The following FBXO42 variants were observed in gnomAD, a reference collection of about 807,000 sequenced individuals.
FBXO42 encodes the protein F-box only protein 42.
Under a neutral mutation model 71.7 loss-of-function variants are expected in FBXO42, and 12 were observed. That is an observed-to-expected ratio of 0.17 (90% CI 0.11 to 0.27). The LOEUF (loss-of-function observed/expected upper bound fraction) is 0.27, where lower values mean the gene tolerates loss of function less well. FBXO42 is among the 10% of genes least tolerant of loss of function. The pLI, the probability that FBXO42 is intolerant of heterozygous loss-of-function variation, is 1.00. For missense variants in FBXO42, 707 were observed against 911.9 expected, an observed-to-expected ratio of 0.78 and a Z score of 2.89; for synonymous variants, 325 against 327.5, an observed-to-expected ratio of 0.99 and a Z score of 0.08.
chr1:16,326,842 G>A (rs7543903), intron 1 of FBXO42, among the ~76,000 whole-genome samples: 2,961 of 152,180 alleles, frequency 0.019, 81 homozygotes, highest in African/African-American at 0.068. Context: ...ACATGGAGAT[G>A]AGCTACATAA....
intron 1 of FBXO42, among the ~76,000 whole-genome samples, chr1:16,331,540 A>T (rs890545858): frequency 6.6e-6 from 1 of 151,470 alleles, no homozygotes; most frequent in African/African-American, 2.4e-5. Flanking sequence ...GGATCACCTG[A>T]GCTCAGGGGT....
intron 4 of FBXO42, among the ~76,000 whole-genome samples, chr1:16,262,441 T>C (rs1014510417): frequency 7.9e-5 from 12 of 152,104 alleles, no homozygotes; most frequent in African/African-American, 2.9e-4. Flanking sequence ...GTGTGGTGGC[T>C]CAAGCCTGTA....
chr1:16,304,332 T>C (rs1383963144), intron 3 of FBXO42, among the ~76,000 whole-genome samples: 6 of 151,608 alleles, frequency 4.0e-5, no homozygotes, highest in Non-Finnish European at 8.8e-5. Flanking sequence ...TTGGCCAGGC[T>C]GGTCTCAAAC....
rs374651148 is a variant in FBXO42 at position 16,315,282 on chromosome 1, G to A, written c.137C>T (p.Ser46Phe). 3 of 1,613,960 alleles carry A rather than the reference G, an allele frequency of 1.9e-6. No homozygotes were observed. The African/African-American group carries it at 4.0e-5, about 22-fold the overall frequency. Residue 46 changes from serine to phenylalanine, a missense_variant, in exon 2 of 10, where the codon TCC (serine) becomes TTC (phenylalanine). Coordinates refer to ENST00000375592, the MANE Select transcript of FBXO42 (RefSeq NM_018994.3). ...AACCTCTTCTGGCAGCTCCGACATGGACCTATTATGTCTAGTCTCCTCAGC... is the reference window on the plus strand; with the variant it reads ...AACCTCTTCTGGCAGCTCCGACATGAACCTATTATGTCTAGTCTCCTCAGC... ...LEAEETRHNR[S>F]MSELPEEVLE...
At chr1:16,288,668 G>C (rs2082046763) in intron 4 of FBXO42, among the ~76,000 whole-genome samples, 3 of 151,634 alleles carry the variant, frequency 2.0e-5, no homozygotes, top group Non-Finnish European at 2.9e-5. Context: ...AATTCATTAA[G>C]AAGTCTTGGC....
chr1:16,332,571 G>A (rs1465235358), intron 1 of FBXO42, among the ~76,000 whole-genome samples: 1 of 141,748 alleles, frequency 7.1e-6, no homozygotes, highest in Admixed American at 7.2e-5. Context: ...AGACGGAGTT[G>A]TTCTGTCACT....
At chr1:16,257,803 C>A (rs2081661883) in intron 4 of FBXO42, among the ~76,000 whole-genome samples, 1 of 151,286 alleles carries the variant, frequency 6.6e-6, no homozygotes, top group Non-Finnish European at 1.5e-5. Flanking sequence ...GCCTTAGCCT[C>A]CTGAGTAGCT....
At position 16,340,643 on chromosome 1, in the gene FBXO42, T is replaced by C. The variant is rs528890326; in HGVS notation, c.-18+11612A>G. ...CAACCCTCTACTGAGGGTTAGGGTTTTGCCATGCCAAGGTTAAGTTACTTC... is the reference window on the plus strand; with the variant it reads ...CAACCCTCTACTGAGGGTTAGGGTTCTGCCATGCCAAGGTTAAGTTACTTC... On this transcript the variant is annotated intron_variant, in intron 1 of 9. Transcript: ENST00000375592. Among the ~76,000 whole-genome samples, 27 of 152,254 alleles carry C rather than the reference T, an allele frequency of 1.8e-4. 1 individual carries two copies. In the South Asian group the frequency reaches 3.3e-3, roughly 19 times the overall value.
At chr1:16,334,418 CAAAAA>C (rs757658037) in intron 1 of FBXO42, among the ~76,000 whole-genome samples, 1 of 52,788 alleles carries the variant, frequency 1.9e-5, no homozygotes. Context: ...GACTCCGCCT[CAAAAA>C]AAAAAAAAAA....
intron 3 of FBXO42, among the ~76,000 whole-genome samples, chr1:16,298,883 A>G (rs1032235033): frequency 3.7e-4 from 57 of 152,230 alleles, no homozygotes; most frequent in African/African-American, 1.4e-3. Context: ...CCATGATTTC[A>G]TAACTAAAAG....
chr1:16,276,283 G>A (rs2081901855), intron 4 of FBXO42, among the ~76,000 whole-genome samples: 1 of 151,688 alleles, frequency 6.6e-6, no homozygotes, highest in Non-Finnish European at 1.5e-5. Flanking sequence ...GGGAGGCTGA[G>A]GCAGGAGAAT....
chr1:16,294,809 T>C lies in FBXO42; in HGVS notation c.476A>G (p.Lys159Arg). 1 of 1,614,106 alleles carries C rather than the reference T, an allele frequency of 6.2e-7. No individual in the cohort carries two copies. Among genetic ancestry groups the C allele is most frequent in the Non-Finnish European group, 8.5e-7 (1 of 1,179,998 alleles). ...NDLWRLDLNS[K>R]EWIRPLASGS... ...TGAAGCCAAAGGTCGGATCCACTCT[T>C]TGCTGTTTAGGTCAAGTCTCCAGAG... Residue 159 changes from lysine (K) to arginine (R), a missense_variant, in exon 4 of 10, where the codon AAA becomes AGA. Coordinates refer to ENST00000375592, the MANE Select transcript of FBXO42 (RefSeq NM_018994.3).
chr1:16,316,169 C>CAAA lies in FBXO42; in HGVS notation c.-17-737_-17-735dup, dbSNP rs58485035. ...GGGCAACAAGAGCAAACCTCCATCT[C>CAAA]AAAAAAAAAAAAAAAAAAGAAAGAA... On this transcript the variant is annotated intron_variant, in intron 1 of 9. Coordinates refer to ENST00000375592, the MANE Select transcript of FBXO42 (RefSeq NM_018994.3). Among the ~76,000 whole-genome samples the CAAA allele has an allele frequency of 4.8e-3, 528 of 109,034 alleles. 2 individuals carry two copies. The highest frequency in any genetic ancestry group is 7.2e-3 in the Non-Finnish European group (395 of 55,088). The allele number at this position is 109,034 out of a possible 152,430, so 71.5% of individuals were successfully genotyped here.
Position 16,252,253 on chromosome 1 carries a change from C to G in FBXO42, c.1038+35G>C. ...AATGTGGTTTTCCACAATTTAGGAC[C>G]TGTCCTCCTGCTAGCCTGTCAGCTC... On this transcript the variant is annotated intron_variant, in intron 9 of 9. Transcript: ENST00000375592. The surrounding 1 kb of genome is among the most constrained non-coding windows in gnomAD (Gnocchi z 4.4). The G allele has an allele frequency of 6.7e-7, 1 of 1,498,958 alleles. No individual in the cohort carries two copies. Among genetic ancestry groups the G allele is most frequent in the Non-Finnish European group, 9.3e-7 (1 of 1,075,452 alleles). 92.9% of individuals were successfully genotyped at this position (1,498,958 alleles called of 1,614,324 possible).
chr1:16,303,396 C>A (rs963455813), intron 3 of FBXO42, among the ~76,000 whole-genome samples: 4 of 152,316 alleles, frequency 2.6e-5, no homozygotes, highest in African/African-American at 9.6e-5. Context: ...TGCCCCTTGC[C>A]TACTTCATGT....
chr1:16,264,127 T>C (rs1174634286), intron 4 of FBXO42, among the ~76,000 whole-genome samples: 2 of 152,162 alleles, frequency 1.3e-5, no homozygotes, highest in African/African-American at 4.8e-5. Context: ...AATTTTTATA[T>C]GGAGTAGCCG....
intron 1 of FBXO42, among the ~76,000 whole-genome samples, chr1:16,351,603 G>C (rs2082703622): frequency 6.6e-6 from 1 of 152,124 alleles, no homozygotes. Context: ...TCTCACAATC[G>C]TTTTCTCTTC....
At chr1:16,340,176 C>CAA (rs545615304) in intron 1 of FBXO42, among the ~76,000 whole-genome samples, 1 of 137,594 alleles carries the variant, frequency 7.3e-6, no homozygotes. Flanking sequence ...ACTCCAGTCT[C>CAA]AAAAAAAAAA....
chr1:16,342,387 ACT>A (rs1180386666), intron 1 of FBXO42, among the ~76,000 whole-genome samples: 2 of 134,190 alleles, frequency 1.5e-5, no homozygotes, highest in Middle Eastern at 3.8e-3. Context: ...GAAGAGCGAA[ACT>A]CTGTCTCAAA....
Sources: gnomAD v4.1 joint callset for allele counts (sites outside exome capture counted in the v4.1 genomes callset) on GRCh38, gnomAD v4.1.1 for gene constraint, Gnocchi (gnomAD v3.1) non-coding constraint, MANE v1.5 for transcripts, NCBI Gene and HGNC (gene_info 2026-07-23, HGNC 2026-07-21) for gene names.